Variants in SETD7 observed in about 807,000 individuals in gnomAD.
SETD7 encodes the protein SET domain containing 7, histone lysine methyltransferase.
Under a neutral mutation model 41.8 loss-of-function variants are expected in SETD7, and 16 were observed. That is an observed-to-expected ratio of 0.38 (90% CI 0.26 to 0.58). SETD7 has a LOEUF of 0.58. Among genes scored for constraint, SETD7 ranks in the 20% least tolerant of loss-of-function variants. The pLI, the probability that SETD7 is intolerant of heterozygous loss-of-function variation, is 0.64. For missense variants in SETD7, 346 were observed against 459.7 expected (o/e 0.75, Z 2.26); for synonymous variants, 163 against 169.7 (o/e 0.96, Z 0.31).
intron 7 of SETD7, among the ~76,000 whole-genome samples, chr4:139,513,338 T>C (rs1425281156): frequency 6.6e-6 from 1 of 150,952 alleles, no homozygotes; most frequent in Non-Finnish European, 1.5e-5. Context: ...GAGAATCGCT[T>C]GGACCCAAGA....
At chr4:139,549,689 T>G (rs963133655) in intron 1 of SETD7, among the ~76,000 whole-genome samples, 1 of 152,092 alleles carries the variant, frequency 6.6e-6, no homozygotes, top group African/African-American at 2.4e-5. Context: ...CACTGTAACC[T>G]CAACTTGTAG....
chr4:139,494,117 T>TCTGC, downstream of SETD7, among the ~76,000 whole-genome samples: 1 of 152,322 alleles, frequency 6.6e-6, no homozygotes, highest in South Asian at 2.1e-4. Context: ...ATCCACAGTA[T>TCTGC]CTGCCACTAG....
intron 4 of SETD7, among the ~76,000 whole-genome samples, chr4:139,525,450 A>T (rs963941051): frequency 4.6e-5 from 7 of 152,144 alleles, no homozygotes; most frequent in Non-Finnish European, 1.0e-4. Flanking sequence ...ATGCCCTTTG[A>T]CTAGAATTCA....
intron 4 of SETD7, among the ~76,000 whole-genome samples, chr4:139,524,971 C>A (rs910908020): frequency 1.3e-5 from 2 of 152,152 alleles, no homozygotes; most frequent in Non-Finnish European, 2.9e-5. Flanking sequence ...TGCCTGTCAC[C>A]ATGCCTGGCT....
chr4:139,531,670 AG>A (rs1727485550), intron 3 of SETD7, among the ~76,000 whole-genome samples: 1 of 152,236 alleles, frequency 6.6e-6, no homozygotes, highest in Non-Finnish European at 1.5e-5. Flanking sequence ...CCCTATTCCT[AG>A]ATTATAACTT....
At chr4:139,553,893 A>G (rs1454073984) in intron 1 of SETD7, among the ~76,000 whole-genome samples, 1 of 152,202 alleles carries the variant, frequency 6.6e-6, no homozygotes, top group African/African-American at 2.4e-5. Flanking sequence ...TGTAAGTGTT[A>G]GATGTTATGT....
intron 2 of SETD7, among the ~76,000 whole-genome samples, chr4:139,545,437 A>T (rs757306915): frequency 6.6e-6 from 1 of 152,286 alleles, no homozygotes; most frequent in African/African-American, 2.4e-5. Context: ...CAATACCAAC[A>T]TACTGAAATG....
intron 7 of SETD7, among the ~76,000 whole-genome samples, chr4:139,513,396 G>A (rs988869148): frequency 1.6e-4 from 24 of 148,468 alleles, no homozygotes; most frequent in African/African-American, 5.7e-4. Flanking sequence ...CTCCAGCCTG[G>A]ATGACAGAGT....
chr4:139,517,826 TC>T (rs1727069040), intron 7 of SETD7, 58 bp downstream of exon 7: 7 of 1,532,704 alleles, frequency 4.6e-6, no homozygotes, highest in Non-Finnish European at 6.2e-6. Flanking sequence ...TTTACTGCCC[TC>T]CTCCGTCTCA....
chr4:139,516,081 A>C (rs1350700709), intron 7 of SETD7, among the ~76,000 whole-genome samples: 1 of 152,194 alleles, frequency 6.6e-6, no homozygotes, highest in African/African-American at 2.4e-5. Context: ...TACCATGTAA[A>C]AGAGAGTCTG....
chr4:139,539,634 T>A (rs1727730991), intron 2 of SETD7, among the ~76,000 whole-genome samples: 1 of 152,330 alleles, frequency 6.6e-6, no homozygotes, highest in South Asian at 2.1e-4. Context: ...TTAGTTTTGC[T>A]TTCTAAAAAC....
chr4:139,543,466 CT>C (rs1727835303), intron 2 of SETD7, among the ~76,000 whole-genome samples: 1 of 152,144 alleles, frequency 6.6e-6, no homozygotes, highest in South Asian at 2.1e-4. Flanking sequence ...TGAGGACGAC[CT>C]TTTGAGATCC....
In SETD7 at chr4:139,511,981, C is replaced by T. The variant is rs986363833; in HGVS notation, c.921-138G>A. On this transcript the variant is annotated intron_variant, in intron 7 of 7. Coordinates refer to ENST00000274031, the MANE Select transcript of SETD7 (RefSeq NM_030648.4). The stretch of plus-strand genomic sequence containing the variant: ...CTGGTATGTGCCCAAAGTGTGGTCA[C>T]CCAGCATCAGTTTCACCCGAGAGCT... The T allele has an allele frequency of 1.6e-5, 22 of 1,417,514 alleles. No homozygotes were observed. The Admixed American group carries it at 6.6e-4, about 43-fold the overall frequency. The allele number at this position is 1,417,514 out of a possible 1,614,324, so 87.8% of individuals were successfully genotyped here. A position where few individuals can be genotyped will look rare whatever the true frequency, so the allele number is the denominator to read the frequency against.
At chr4:139,532,863 C>A in intron 3 of SETD7, 1 of 462,720 alleles carries the variant, frequency 2.2e-6, no homozygotes. Flanking sequence ...GAATTAAAAG[C>A]AATATATTTT....
chr4:139,514,051 G>A (rs1196943670), intron 7 of SETD7, among the ~76,000 whole-genome samples: 1 of 152,222 alleles, frequency 6.6e-6, no homozygotes, highest in African/African-American at 2.4e-5. Context: ...GGGAGGCTGA[G>A]GCGGATAGAT....
Position 139,511,816 on chromosome 4 carries a change from G to A in SETD7, c.948C>T (p.Ile316=). 6.2e-7 allele frequency: 1 copy of A among 1,613,708 alleles called. No homozygotes were observed. Among genetic ancestry groups the A allele is most frequent in the Non-Finnish European group, 8.5e-7 (1 of 1,179,868 alleles). Residue 316 remains isoleucine (I), a synonymous_variant, in exon 8 of 8, where the codon ATC becomes ATT. Transcript: ENST00000274031. ...DMFVHPRFGP[I]KCIRTLRAVE... The stretch of plus-strand genomic sequence containing the variant: ...CTGCTCTCAGGGTGCGGATGCATTT[G>A]ATGGGCCCAAAACGGGGGTGGACAA...
At chr4:139,512,481 G>GTATCTTCCTACTGTTGT (rs1311677051) in intron 7 of SETD7, among the ~76,000 whole-genome samples, 33 of 152,334 alleles carry the variant, frequency 2.2e-4, no homozygotes, top group Non-Finnish European at 4.3e-4. Flanking sequence ...ATCCTATGAA[G>GTATCTTCCTACTGTTGT]AGAGCAGTAT....
chr4:139,530,237 T>C lies in SETD7; in HGVS notation c.373-1017A>G, dbSNP rs574642293. Among the ~76,000 whole-genome samples the C allele has an allele frequency of 3.9e-4, 60 of 152,198 alleles. 1 individual carries two copies. Among genetic ancestry groups the C allele is most frequent in the African/African-American group, 1.3e-3 (52 of 41,552 alleles). On this transcript the variant is annotated intron_variant, in intron 3 of 7. Transcript: ENST00000274031. ...GACCTTAGGGAGTTTGATTTAACAA[T>C]AGTAATGCCATGACATCTTTTAAAA...
At chr4:139,532,886 G>T in intron 3 of SETD7, 1 of 520,074 alleles carries the variant, frequency 1.9e-6, no homozygotes, top group South Asian at 2.8e-5. Context: ...CTTTATTAGT[G>T]ATACAATAAA....
Sources: gnomAD v4.1 joint callset for allele counts (sites outside exome capture counted in the v4.1 genomes callset) on GRCh38, gnomAD v4.1.1 for gene constraint, MANE v1.5 for transcripts, NCBI Gene and HGNC (gene_info 2026-07-23, HGNC 2026-07-21) for gene names.